The following ARHGAP22 variants were observed in gnomAD, a reference collection of about 807,000 sequenced individuals.
ARHGAP22 encodes Rho GTPase activating protein 22.
A neutral mutation model predicts 59.1 loss-of-function variants in ARHGAP22; 48 were observed. The observed-to-expected ratio is 0.81, with a 90% CI of 0.64 to 1.03. The LOEUF is 1.03. ARHGAP22 is among the 50% of genes least tolerant of loss of function. The probability of loss-of-function intolerance (pLI) is 0.00; values close to 1 mark genes in which losing one functional copy is unlikely to be tolerated. For synonymous variants in ARHGAP22, 445 were observed against 416.4 expected (o/e 1.07, Z -0.84); for missense variants, 1,015 against 958.7 (o/e 1.06, Z -0.78).
rs750236097 is a variant in ARHGAP22, at chr10:48,604,799, T to C, written c.-3A>G. The C allele has an allele frequency of 6.2e-7, 1 of 1,614,196 alleles. No homozygotes were observed. Among genetic ancestry groups the C allele is most frequent in the East Asian group, 2.2e-5 (1 of 44,874 alleles). On this transcript the variant is annotated 5_prime_UTR_variant, in exon 1 of 10. Transcript: ENST00000249601. The stretch of plus-strand genomic sequence containing the variant: ...TGCCTGATCTTTGGGCTCAGCATGT[T>C]CTTGCAGCCGTCCGGCCAGCCCCGC...
At chr10:48,470,366 T>C (rs1475553143) in intron 4 of ARHGAP22, among the ~76,000 whole-genome samples, 1 of 152,216 alleles carries the variant, frequency 6.6e-6, no homozygotes, top group Non-Finnish European at 1.5e-5. Context: ...GGGCCTTTGT[T>C]CTGGTAAACA....
At chr10:48,443,679 T>C (rs1369121072), downstream of ARHGAP22, among the ~76,000 whole-genome samples, 3 of 152,098 alleles carry the variant, frequency 2.0e-5, no homozygotes, top group Non-Finnish European at 4.4e-5. Flanking sequence ...GGGTTCTGCA[T>C]CAAAAGGAGA....
chr10:48,443,756 T>C (rs537268509), downstream of ARHGAP22: 1 of 152,332 alleles, frequency 6.6e-6, no homozygotes, highest in African/African-American at 2.4e-5. Context: ...AACATGGATA[T>C]ATGGGTTCCA....
Position 48,513,068 on chromosome 10 carries a change from G to C in ARHGAP22, c.323-33304C>G, listed in dbSNP as rs535499877. 5.3e-5 allele frequency among the ~76,000 whole-genome samples: 8 copies of C among 151,214 alleles called. No homozygotes were observed. In the South Asian group the frequency reaches 1.7e-3, roughly 32 times the overall value. ...CCCACCCACTCTTTTTTAATCCCCC[G>C]TGCTTCCACAGACACTGAGAGAGCA... On this transcript the variant is annotated intron_variant, in intron 3 of 9. Transcript: ENST00000249601.
intron 1 of ARHGAP22, among the ~76,000 whole-genome samples, chr10:48,627,332 A>G (rs1035327747): frequency 2.6e-5 from 4 of 152,184 alleles, no homozygotes; most frequent in African/African-American, 9.7e-5. Flanking sequence ...ACCCATTTTC[A>G]TCTGAAGTCG....
chr10:48,542,577 C>T (rs1409397804), intron 3 of ARHGAP22, among the ~76,000 whole-genome samples: 1 of 152,208 alleles, frequency 6.6e-6, no homozygotes, highest in African/African-American at 2.4e-5. Flanking sequence ...CCCCGCCTCT[C>T]CTGGCCCTGC....
chr10:48,514,224 G>T (rs2053073384), intron 3 of ARHGAP22, among the ~76,000 whole-genome samples: 1 of 151,710 alleles, frequency 6.6e-6, no homozygotes, highest in South Asian at 2.1e-4. Context: ...AGAGGGGAGA[G>T]AAAAAAGGTA....
intron 1 of ARHGAP22, among the ~76,000 whole-genome samples, chr10:48,621,031 C>T (rs111928295): frequency 1.5e-3 from 231 of 152,366 alleles, no homozygotes; most frequent in Non-Finnish European, 2.5e-3. Flanking sequence ...AGCACTCTAG[C>T]AAGCTTGGTG....
At position 48,470,612 on chromosome 10, in the gene ARHGAP22, C is replaced by T. The variant is rs2133953575; in HGVS notation, c.451+9024G>A. The stretch of plus-strand genomic sequence containing the variant: ...CCAAGGTCCATAGGGACATCTTCTC[C>T]ACTTGAGTACATGGACCCTTAGGGC... On this transcript the variant is annotated intron_variant, in intron 4 of 9. Coordinates refer to ENST00000249601, the MANE Select transcript of ARHGAP22 (RefSeq NM_021226.4). Among the ~76,000 whole-genome samples the T allele has an allele frequency of 2.0e-5, 3 of 152,324 alleles. No individual in the cohort carries two copies. In the Middle Eastern group the frequency reaches 0.01, roughly 518 times the overall value.
At chr10:48,536,828 G>A (rs914205838) in intron 3 of ARHGAP22, among the ~76,000 whole-genome samples, 9 of 152,204 alleles carry the variant, frequency 5.9e-5, no homozygotes, top group African/African-American at 2.2e-4. Context: ...TCAAAAAAGT[G>A]TGAAAACACT....
chr10:48,465,953 G>A (rs543921020), intron 4 of ARHGAP22, among the ~76,000 whole-genome samples: 11 of 152,254 alleles, frequency 7.2e-5, no homozygotes, highest in African/African-American at 2.4e-4. Flanking sequence ...CAGGCTCTGC[G>A]CTAAGTATTA....
chr10:48,623,758 G>T (rs2061358139), intron 1 of ARHGAP22, among the ~76,000 whole-genome samples: 2 of 152,214 alleles, frequency 1.3e-5, no homozygotes, highest in Non-Finnish European at 2.9e-5. Flanking sequence ...TGGCATGGAA[G>T]CTGCTGCAGT....
chr10:48,440,965 C>T, the ARHGAP22 span, among the ~76,000 whole-genome samples: 6 of 152,116 alleles, frequency 3.9e-5, no homozygotes, highest in Non-Finnish European at 7.4e-5. Context: ...CTGAGCCTAG[C>T]GATTGGGCAG....
At chr10:48,650,417 C>T (rs750331618) in intron 1 of ARHGAP22, among the ~76,000 whole-genome samples, 2 of 152,034 alleles carry the variant, frequency 1.3e-5, no homozygotes, top group Admixed American at 1.3e-4. Flanking sequence ...TTGATGTTTG[C>T]ATGGGGTGGA....
intron 2 of ARHGAP22, among the ~76,000 whole-genome samples, chr10:48,569,535 A>G (rs1350731841): frequency 1.3e-5 from 2 of 152,136 alleles, no homozygotes; most frequent in Non-Finnish European, 2.9e-5. Context: ...TACTTGATTC[A>G]TTTTTCTGCC....
intron 2 of ARHGAP22, among the ~76,000 whole-genome samples, chr10:48,578,150 G>A (rs1273231074): frequency 6.6e-6 from 1 of 152,020 alleles, no homozygotes; most frequent in Non-Finnish European, 1.5e-5. Context: ...CAGTGCTCCT[G>A]TCCTGAGCTC....
intron 1 of ARHGAP22, among the ~76,000 whole-genome samples, chr10:48,602,874 T>C (rs1178163908): frequency 1.3e-5 from 2 of 152,218 alleles, no homozygotes; most frequent in Non-Finnish European, 2.9e-5. Context: ...AAGACTTCCC[T>C]GGCTGGCAAC....
At chr10:48,435,540 T>C in the ARHGAP22 span, 2 of 152,284 alleles carry the variant, frequency 1.3e-5, no homozygotes, top group African/African-American at 4.8e-5. Flanking sequence ...TAGCCAGTTA[T>C]ATTCAGGAAT....
chr10:48,568,817 G>C (rs779646411), intron 2 of ARHGAP22, among the ~76,000 whole-genome samples: 2 of 152,112 alleles, frequency 1.3e-5, no homozygotes, highest in Non-Finnish European at 2.9e-5. Context: ...CCACTGCCTG[G>C]GTTGGCAGCA....
Sources: gnomAD v4.1 joint callset for allele counts (sites outside exome capture counted in the v4.1 genomes callset) on GRCh38, gnomAD v4.1.1 for gene constraint, MANE v1.5 for transcripts, NCBI Gene and HGNC (gene_info 2026-07-23, HGNC 2026-07-21) for gene names.